ADCK1: variants seen among roughly 807,000 people sequenced by gnomAD.
The protein encoded by ADCK1 is aarF domain-containing protein kinase 1.
Under a neutral mutation model 52.3 loss-of-function variants are expected in ADCK1, and 41 were observed. The observed-to-expected ratio is 0.78, with a 90% confidence interval of 0.61 to 1.02. The LOEUF (loss-of-function observed/expected upper bound fraction) is 1.02, where lower values mean the gene tolerates loss of function less well. Among genes scored for constraint, ADCK1 ranks in the 50% least tolerant of loss-of-function variants. ADCK1 has a pLI of 0.00. For synonymous variants in ADCK1, 250 were observed against 274.6 expected (o/e 0.91, Z 0.89); for missense variants, 658 against 679.5 (o/e 0.97, Z 0.35).
chr14:77,933,110 G>A (rs2084376407), intron 10 of ADCK1, 110 bp from the exon 11 acceptor site: 4 of 1,107,908 alleles, frequency 3.6e-6, no homozygotes, highest in Non-Finnish European at 5.1e-6. Flanking sequence ...CTAGGGGCAG[G>A]GAGCTGGTGA....
intron 9 of ADCK1, among the ~76,000 whole-genome samples, chr14:77,930,745 C>T (rs774068734): frequency 1.1e-4 from 16 of 152,172 alleles, no homozygotes; most frequent in Admixed American, 4.6e-4. Flanking sequence ...GTCAAAGTGC[C>T]TGGCTTCTTT....
At chr14:77,895,235 A>C (rs1393611146) in intron 5 of ADCK1, among the ~76,000 whole-genome samples, 1 of 152,236 alleles carries the variant, frequency 6.6e-6, no homozygotes, top group Non-Finnish European at 1.5e-5. Context: ...GTTCTAGATC[A>C]AGTAGAGAAT....
At chr14:77,856,887 A>G (rs1317536483) in intron 3 of ADCK1, among the ~76,000 whole-genome samples, 1 of 152,112 alleles carries the variant, frequency 6.6e-6, no homozygotes, top group Non-Finnish European at 1.5e-5. Flanking sequence ...GCCTGTAATT[A>G]GTTACTCAGG....
At chr14:77,905,746 C>T (rs552831039) in intron 6 of ADCK1, among the ~76,000 whole-genome samples, 12 of 152,170 alleles carry the variant, frequency 7.9e-5, no homozygotes, top group African/African-American at 7.2e-5. Flanking sequence ...TCCAGGAGTT[C>T]GAGGCTGCAG....
At chr14:77,807,666 C>T (rs772403002) in intron 1 of ADCK1, among the ~76,000 whole-genome samples, 48 of 152,062 alleles carry the variant, frequency 3.2e-4, no homozygotes, top group Admixed American at 1.6e-3. Flanking sequence ...TGTGCCACCA[C>T]GCCCGGCTAA....
intron 3 of ADCK1, 93 bp from the exon 4 acceptor site, chr14:77,858,983 A>C (rs1307356966): frequency 1.7e-6 from 2 of 1,208,158 alleles, no homozygotes; most frequent in East Asian, 2.4e-5. Flanking sequence ...TGGGGTAATG[A>C]GGGTTTTCAA....
intron 5 of ADCK1, among the ~76,000 whole-genome samples, chr14:77,893,276 G>A (rs963129860): frequency 1.3e-5 from 2 of 152,060 alleles, no homozygotes; most frequent in Admixed American, 6.5e-5. Flanking sequence ...GTCTGCTGGC[G>A]GGCTGGCTTT....
chr14:77,887,290 C>T (rs998231401), intron 5 of ADCK1, 41 bp downstream of exon 5: 2 of 1,502,702 alleles, frequency 1.3e-6, no homozygotes, highest in Non-Finnish European at 1.8e-6. Context: ...CCTCAGTCTA[C>T]ATTTCCCTGG....
chr14:77,837,852 G>A (rs1253176735), intron 3 of ADCK1, among the ~76,000 whole-genome samples: 1 of 152,168 alleles, frequency 6.6e-6, no homozygotes, highest in Non-Finnish European at 1.5e-5. Context: ...TTAACATGTT[G>A]ACAAAGTTAG....
At chr14:77,814,735 T>C (rs1393152446) in intron 1 of ADCK1, among the ~76,000 whole-genome samples, 1 of 145,352 alleles carries the variant, frequency 6.9e-6, no homozygotes, top group African/African-American at 2.5e-5. Context: ...AAAATAGAAG[T>C]GTGGCTCTCA....
intron 3 of ADCK1, among the ~76,000 whole-genome samples, chr14:77,836,769 CTTTCTTTTT>C (rs761758952): frequency 4.0e-5 from 3 of 75,278 alleles, no homozygotes; most frequent in Non-Finnish European, 8.5e-5. Context: ...TTCTTTCTTT[CTTTCTTTTT>C]TTTTTTTTTT....
At chr14:77,928,769 A>G (rs1380560218) in intron 9 of ADCK1, among the ~76,000 whole-genome samples, 3 of 152,072 alleles carry the variant, frequency 2.0e-5, no homozygotes, top group Admixed American at 2.0e-4. Flanking sequence ...CTGTTTTTGC[A>G]TTCTTATTTA....
At chr14:77,900,689 T>C (rs2083517377) in intron 6 of ADCK1, 1 of 432,462 alleles carries the variant, frequency 2.3e-6, no homozygotes, top group Admixed American at 2.5e-5. Flanking sequence ...GTTTGTTTTG[T>C]GTATTCCAAT....
At chr14:77,810,960 A>C (rs1210717282) in intron 1 of ADCK1, among the ~76,000 whole-genome samples, 3 of 151,586 alleles carry the variant, frequency 2.0e-5, no homozygotes, top group African/African-American at 7.3e-5. Flanking sequence ...TAAGGAGCTT[A>C]AGTCACTCAG....
chr14:77,926,329 T>C (rs1037277654), intron 9 of ADCK1, among the ~76,000 whole-genome samples: 1 of 152,120 alleles, frequency 6.6e-6, no homozygotes, highest in African/African-American at 2.4e-5. Flanking sequence ...AGGGACTATC[T>C]CTTAAATAAA....
intron 4 of ADCK1, among the ~76,000 whole-genome samples, chr14:77,876,675 C>G (rs1023994539): frequency 2.6e-5 from 4 of 152,188 alleles, no homozygotes; most frequent in African/African-American, 9.7e-5. Flanking sequence ...CACAGGTCTA[C>G]CAAGGCAGAG....
At chr14:77,830,223 C>T (rs529236426) in intron 3 of ADCK1, among the ~76,000 whole-genome samples, 8 of 151,286 alleles carry the variant, frequency 5.3e-5, no homozygotes, top group South Asian at 4.2e-4. Flanking sequence ...CGGCAACCTC[C>T]GTTCACTGCA....
intron 7 of ADCK1, among the ~76,000 whole-genome samples, chr14:77,918,744 T>C (rs1217256759): frequency 1.3e-5 from 2 of 152,170 alleles, no homozygotes; most frequent in Non-Finnish European, 2.9e-5. Context: ...TTCAACCAGC[T>C]CCCTAGAGGA....
At chr14:77,859,347 T>G in intron 4 of ADCK1, 68 bp downstream of exon 4, 1 of 1,501,436 alleles carries the variant, frequency 6.7e-7, no homozygotes. Context: ...GCTGAATTCT[T>G]GCAGCCTCGA....
Sources: allele counts gnomAD v4.1 joint callset (sites outside exome capture counted in the v4.1 genomes callset), GRCh38; gene constraint gnomAD v4.1.1; transcripts MANE v1.5; gene names NCBI Gene and HGNC (gene_info 2026-07-23, HGNC 2026-07-21).